The following CRYBG2 variants were observed in gnomAD, a reference collection of about 807,000 sequenced individuals.
CRYBG2 encodes beta/gamma crystallin domain-containing protein 2.
Under a neutral mutation model 153.4 loss-of-function variants are expected in CRYBG2, and 106 were observed. The observed-to-expected ratio is 0.69, with a 90% CI of 0.59 to 0.81. The LOEUF (loss-of-function observed/expected upper bound fraction) is 0.81. CRYBG2 is among the 30% of genes least tolerant of loss of function. CRYBG2 has a pLI of 0.00. For missense variants in CRYBG2, 1,996 were observed against 2,112.0 expected (o/e 0.95, Z 1.08); for synonymous variants, 851 against 877.8 (o/e 0.97, Z 0.54).
In CRYBG2 at chr1:26,342,833, G is replaced by A; in HGVS notation, c.3125C>T (p.Pro1042Leu). The A allele has an allele frequency of 3.1e-6, 5 of 1,614,132 alleles. No homozygotes were observed. The highest frequency in any genetic ancestry group is 4.2e-6 in the Non-Finnish European group (5 of 1,180,024). Residue 1042 changes from proline (P) to leucine (L), a missense_variant, in exon 5 of 20, where the codon CCT becomes CTT. Transcript: ENST00000308182. ...GGTTCTGAGTTCCATGTCTCCTTCA[G>A]GCAGGACCAGCTTCTGACCCCGGAA... ...PEFRGQKLVL[P>L]EGDMELRTPG...
At chr1:26,328,505 T>C (rs529899940) in intron 16 of CRYBG2, 173 bp from the exon 17 acceptor site, 2 of 1,195,870 alleles carry the variant, frequency 1.7e-6, no homozygotes, top group Admixed American at 2.6e-5. Context: ...GGGAAGTAGA[T>C]TTGGGGTTTT....
Position 26,336,638 on chromosome 1 carries a change from T to C in CRYBG2, c.4006A>G (p.Ser1336Gly). ...RNCEDWGAGN[S>G]TLASLQPVLQ... ...ACCGGCTGCAGCGAGGCGAGGGTGC[T>C]GTTGCCAGCGCCCCAGTCCTCGCAG... is the stretch of plus-strand genomic sequence containing the variant. Residue 1336 changes from serine (S) to glycine (G), a missense_variant, in exon 12 of 20, where the codon AGC becomes GGC. By Grantham distance (56) the Ser-to-Gly change is moderately conservative. Coordinates refer to ENST00000308182, the MANE Select transcript of CRYBG2 (RefSeq NM_001039775.4). The surrounding 1 kb of genome is among the most constrained non-coding windows in gnomAD (Gnocchi z 4.9). 6.4e-7 allele frequency: 1 copy of C among 1,550,606 alleles called. No individual in the cohort carries two copies. The highest frequency in any genetic ancestry group is 1.4e-5 in the African/African-American group (1 of 73,124).
chr1:26,346,599 A>C lies in CRYBG2; in HGVS notation c.59T>G (p.Leu20Trp), dbSNP rs199561665. 213 of 1,588,120 alleles carry C rather than the reference A, an allele frequency of 1.3e-4. No homozygotes were observed. Among genetic ancestry groups the C allele is most frequent in the Non-Finnish European group, 1.7e-4 (202 of 1,167,198 alleles). Residue 20 changes from leucine (L) to tryptophan (W), a missense_variant, in exon 2 of 20, where the codon TTG (leucine) becomes TGG (tryptophan). Transcript: ENST00000308182. This position sits in a 1 kb window ranked among gnomAD's most constrained non-coding sequence, Gnocchi z 4.9. ...GGTGGGGGGCCGCTGCCGCCATGTC[A>C]ATGTGGCACTTACCACTCGGGCCTT... The part of the protein sequence containing the change: ...RAKARVVSAT[L>W]TWRQRPPTQE...
Position 26,343,274 on chromosome 1 carries a change from T to C in CRYBG2, c.2933A>G (p.Gln978Arg). The change falls in exon 3 of 20, where the codon CAG becomes CGG. Residue 978 changes from glutamine (Q) to arginine (R), a missense_variant. Physicochemically the swap from Gln to Arg is conservative, Grantham distance 43. Coordinates refer to ENST00000308182, the MANE Select transcript of CRYBG2 (RefSeq NM_001039775.4). The surrounding 1 kb of genome is among the most constrained non-coding windows in gnomAD (Gnocchi z 4.1). The part of the protein sequence containing the change: ...LEGWSPALKT[Q>R]GKLNTRPGKV... The stretch of plus-strand genomic sequence containing the variant: ...TCCAGGCCTGGTGTTCAGCTTGCCC[T>C]GGGTCTTTAAGGCTGGGCTCTGAAA... 5 of 1,549,832 alleles carry C rather than the reference T, an allele frequency of 3.2e-6. No individual in the cohort carries two copies. The highest frequency in any genetic ancestry group is 1.2e-5 in the South Asian group (1 of 84,038).
rs1472331084 is a variant in CRYBG2, at chr1:26,344,198, C to T, written c.2460G>A (p.Val820=). The change falls in exon 2 of 20, where the codon GTG becomes GTA. Residue 820 remains valine, a synonymous_variant. Transcript: ENST00000308182. Reference sequence around the variant, plus strand: ...CCTCCTCTTTCTCTTCCAGTGAAGGCACCTCCTGGGGTCCGGGGCCCAGCA... The same window carrying T: ...CCTCCTCTTTCTCTTCCAGTGAAGGTACCTCCTGGGGTCCGGGGCCCAGCA... ...PWVLGPGPQE[V]PSLEEKEEEE... is the part of the protein sequence containing the mutation. The T allele has an allele frequency of 6.5e-7, 1 of 1,535,676 alleles. No homozygotes were observed. The highest frequency in any genetic ancestry group is 8.7e-7 in the Non-Finnish European group (1 of 1,146,604).
At position 26,344,704 on chromosome 1, in the gene CRYBG2, C is replaced by T. The variant is rs2074183079; in HGVS notation, c.1954G>A (p.Ala652Thr). ...SIQKEAVQGI[A>T]GSLAPPLTKE... ...GTGAGGGGCGGGGCAAGGCTGCCTG[C>T]AATACCCTGGACAGCCTCTTTTTGG... Residue 652 changes from alanine (A) to threonine (T), a missense_variant, in exon 2 of 20, where the codon GCA becomes ACA. Transcript: ENST00000308182. 3.9e-6 allele frequency: 6 copies of T among 1,533,402 alleles called. No individual in the cohort carries two copies. In the South Asian group the frequency reaches 6.0e-5, roughly 15 times the overall value. 95.0% of individuals were successfully genotyped at this position (1,533,402 alleles called of 1,614,324 possible).
chr1:26,326,141 C>T (rs1333373264), intron 17 of CRYBG2, among the ~76,000 whole-genome samples: 1 of 152,124 alleles, frequency 6.6e-6, no homozygotes, highest in Non-Finnish European at 1.5e-5. Flanking sequence ...ACCCTCCCTC[C>T]TCGGCCTCCC....
chr1:26,333,301 C>T (rs777811626), intron 14 of CRYBG2, among the ~76,000 whole-genome samples: 1 of 152,084 alleles, frequency 6.6e-6, no homozygotes, highest in Non-Finnish European at 1.5e-5. Flanking sequence ...TGCCGTGGCT[C>T]ACGCCTATAA....
Position 26,331,470 on chromosome 1 carries a change from A to C in CRYBG2, c.4314+19T>G. 6.2e-7 allele frequency: 1 copy of C among 1,603,276 alleles called. No individual in the cohort carries two copies. Among genetic ancestry groups the C allele is most frequent in the Non-Finnish European group, 8.5e-7 (1 of 1,171,596 alleles). On this transcript the variant is annotated intron_variant, in intron 15 of 19. Coordinates refer to ENST00000308182, the MANE Select transcript of CRYBG2 (RefSeq NM_001039775.4). ...ACTTCTGCTTCCGGGATTGCCTGGA[A>C]CCAGACATGGAAACTCACCAGGGAT...
intron 15 of CRYBG2, among the ~76,000 whole-genome samples, chr1:26,330,719 A>G (rs1260125910): frequency 6.6e-6 from 1 of 151,828 alleles, no homozygotes; most frequent in African/African-American, 2.4e-5. Context: ...TTGTATTTTT[A>G]GTAGAGATAG....
intron 1 of CRYBG2, among the ~76,000 whole-genome samples, chr1:26,349,616 A>G (rs1223739055): frequency 1.3e-5 from 2 of 152,100 alleles, no homozygotes; most frequent in Non-Finnish European, 2.9e-5. Context: ...AGCTTCTGCT[A>G]TGGCTTGAAT....
chr1:26,351,543 A>C (rs1036872465), intron 1 of CRYBG2, among the ~76,000 whole-genome samples: 4 of 152,226 alleles, frequency 2.6e-5, no homozygotes, highest in African/African-American at 9.6e-5. Context: ...ACATAAAAAC[A>C]GGGACATTTG....
intron 14 of CRYBG2, among the ~76,000 whole-genome samples, chr1:26,333,284 G>A (rs913958502): frequency 6.6e-6 from 1 of 152,118 alleles, no homozygotes; most frequent in Non-Finnish European, 1.5e-5. Flanking sequence ...AAGAGGAAGA[G>A]GCCGGGTGCC....
At chr1:26,339,474 G>C in intron 5 of CRYBG2, 45 bp from the exon 6 acceptor site, 1 of 1,606,532 alleles carries the variant, frequency 6.2e-7, no homozygotes, top group Non-Finnish European at 8.5e-7. Context: ...ACAGCCAGGC[G>C]TGGTGGCTCA....
intron 18 of CRYBG2, 77 bp from the exon 19 acceptor site, chr1:26,322,400 C>T: frequency 6.7e-7 from 1 of 1,495,308 alleles, no homozygotes; most frequent in Non-Finnish European, 9.0e-7. Flanking sequence ...CTTGACCCAT[C>T]TGCTCTGAAT....
chr1:26,334,411 G>T (rs895215670), intron 14 of CRYBG2, among the ~76,000 whole-genome samples: 1 of 152,078 alleles, frequency 6.6e-6, no homozygotes, highest in Non-Finnish European at 1.5e-5. Flanking sequence ...ATAAGAAAGT[G>T]AGACCCTGTC....
At chr1:26,327,873 G>A (rs1205153068) in intron 17 of CRYBG2, among the ~76,000 whole-genome samples, 1 of 151,220 alleles carries the variant, frequency 6.6e-6, no homozygotes, top group African/African-American at 2.4e-5. Context: ...CTTAAACCCG[G>A]GAGGTGGAGG....
Position 26,336,623 on chromosome 1 carries a change from G to T in CRYBG2, c.4021C>A (p.Leu1341Met). The T allele has an allele frequency of 6.5e-7, 1 of 1,550,090 alleles. No individual in the cohort carries two copies. The highest frequency in any genetic ancestry group is 8.7e-7 in the Non-Finnish European group (1 of 1,146,696). The change falls in exon 12 of 20, where the codon CTG (leucine) becomes ATG (methionine). Residue 1341 changes from leucine to methionine, a missense_variant. By Grantham distance (15) the Leu-to-Met change is conservative. Coordinates refer to ENST00000308182, the MANE Select transcript of CRYBG2 (RefSeq NM_001039775.4). This position sits in a 1 kb window ranked among gnomAD's most constrained non-coding sequence, Gnocchi z 4.9. ...WGAGNSTLASLQPVLQVGEHD... is the reference protein window; with the variant it reads ...WGAGNSTLASMQPVLQVGEHD... ...GCACGCACCTGTAGGACCGGCTGCA[G>T]CGAGGCGAGGGTGCTGTTGCCAGCG...
rs1308571248 is a variant in CRYBG2, at chr1:26,325,955, A to G, written c.4579-1645T>C. ...CTCGCTCTGTCACCCACGCTGGAGT[A>G]CCAGTGGAGCCATCATGGCTCACTG... On this transcript the variant is annotated intron_variant, in intron 17 of 19. Transcript: ENST00000308182. The surrounding 1 kb of genome is among the most constrained non-coding windows in gnomAD (Gnocchi z 4.1). Among the ~76,000 whole-genome samples the G allele has an allele frequency of 1.3e-5, 2 of 152,120 alleles. No individual in the cohort carries two copies. Among genetic ancestry groups the G allele is most frequent in the Non-Finnish European group, 2.9e-5 (2 of 68,006 alleles).
Sources: allele counts gnomAD v4.1 joint callset (sites outside exome capture counted in the v4.1 genomes callset), GRCh38; gene constraint gnomAD v4.1.1; non-coding constraint Gnocchi (gnomAD v3.1); transcripts MANE v1.5; gene names NCBI Gene and HGNC (gene_info 2026-07-23, HGNC 2026-07-21).